Variants in PTN observed in about 807,000 individuals in gnomAD.
The protein encoded by PTN is pleiotrophin.
Under a neutral mutation model 24.1 loss-of-function variants are expected in PTN, and 18 were observed. That is an observed-to-expected ratio of 0.75 (90% CI 0.52 to 1.11). The LOEUF (loss-of-function observed/expected upper bound fraction) is 1.11, where lower values mean the gene tolerates loss of function less well. Ranked by LOEUF, PTN falls within the 50% of genes least tolerant of loss-of-function variation. PTN has a pLI of 0.00. For synonymous variants in PTN, 78 were observed against 68.6 expected (o/e 1.14, Z -0.67); for missense variants, 163 against 198.8 (o/e 0.82, Z 1.08).
intron 1 of PTN, among the ~76,000 whole-genome samples, chr7:137,283,449 C>T (rs189862396): frequency 1.3e-5 from 2 of 152,050 alleles, no homozygotes; most frequent in African/African-American, 2.4e-5. Flanking sequence ...AAGGAAAAAA[C>T]GAGAAAAGAA....
At chr7:137,341,513 G>T (rs1810533808) in intron 1 of PTN, among the ~76,000 whole-genome samples, 1 of 149,132 alleles carries the variant, frequency 6.7e-6, no homozygotes, top group South Asian at 2.1e-4. Flanking sequence ...ATATAGTTAG[G>T]TATACCTTAT....
At chr7:137,323,357 T>C (rs767797997) in intron 1 of PTN, among the ~76,000 whole-genome samples, 3 of 152,214 alleles carry the variant, frequency 2.0e-5, no homozygotes, top group Non-Finnish European at 4.4e-5. Flanking sequence ...GCAGTTTAAG[T>C]ATTTTATATA....
intron 4 of PTN, among the ~76,000 whole-genome samples, chr7:137,249,538 G>A (rs574475954): frequency 6.6e-6 from 1 of 152,246 alleles, no homozygotes; most frequent in Admixed American, 6.5e-5. Context: ...GAATGTGGAA[G>A]CTTCTTTAAT....
intron 1 of PTN, among the ~76,000 whole-genome samples, chr7:137,274,021 A>G (rs1809318702): frequency 7.7e-6 from 1 of 130,680 alleles, no homozygotes; most frequent in African/African-American, 2.8e-5. Flanking sequence ...AACACCTCAA[A>G]ATTTCAGAAG....
chr7:137,228,331 T>C lies in PTN; in HGVS notation c.452-256A>G, dbSNP rs148455060. On this transcript the variant is annotated intron_variant, in intron 4 of 4. Coordinates refer to ENST00000348225, the MANE Select transcript of PTN (RefSeq NM_002825.7). The stretch of plus-strand genomic sequence containing the variant: ...GGGCAGGAGGAACATAGCCTGCTTC[T>C]GTGTTAATTCTACAAATGCCTGTTA... Among the ~76,000 whole-genome samples, 6 of 151,918 alleles carry C rather than the reference T, an allele frequency of 3.9e-5. No individual in the cohort carries two copies. The East Asian group carries it at 9.7e-4, about 25-fold the overall frequency.
intron 1 of PTN, among the ~76,000 whole-genome samples, chr7:137,331,421 T>C (rs1810356344): frequency 1.3e-5 from 2 of 152,162 alleles, no homozygotes; most frequent in Admixed American, 6.5e-5. Context: ...CAGGCCAAAG[T>C]TGGTGGGAAT....
At chr7:137,335,231 T>G (rs911931871) in intron 1 of PTN, among the ~76,000 whole-genome samples, 1 of 151,892 alleles carries the variant, frequency 6.6e-6, no homozygotes, top group Non-Finnish European at 1.5e-5. Context: ...TCTAAACACT[T>G]TTCATTAGCT....
chr7:137,327,848 C>T (rs1810288107), intron 1 of PTN, among the ~76,000 whole-genome samples: 1 of 152,170 alleles, frequency 6.6e-6, no homozygotes, highest in Non-Finnish European at 1.5e-5. Flanking sequence ...CTTGTTGGAA[C>T]ATGCCCAGTG....
intron 1 of PTN, among the ~76,000 whole-genome samples, chr7:137,278,413 A>C (rs950268775): frequency 6.6e-6 from 1 of 151,620 alleles, no homozygotes; most frequent in Non-Finnish European, 1.5e-5. Flanking sequence ...TCTAGAAGAG[A>C]TCTATTTTAA....
Position 137,281,220 on chromosome 7 carries a change from C to T in PTN, c.-1-26246G>A, listed in dbSNP as rs189994428. ...GAAAAGACTGTCCAATGTCAAGGGACCAAGTGCCAACTATAAGGGGGCTGG... is the reference window on the plus strand; with the variant it reads ...GAAAAGACTGTCCAATGTCAAGGGATCAAGTGCCAACTATAAGGGGGCTGG... On this transcript the variant is annotated intron_variant, in intron 1 of 4. Transcript: ENST00000348225. 1.6e-3 allele frequency among the ~76,000 whole-genome samples: 236 copies of T among 151,638 alleles called. 1 individual carries two copies. Among genetic ancestry groups the T allele is most frequent in the African/African-American group, 5.5e-3 (227 of 41,336 alleles).
intron 4 of PTN, 86 bp downstream of exon 4, chr7:137,251,144 T>C (rs1808819014): frequency 6.9e-7 from 1 of 1,453,232 alleles, no homozygotes; most frequent in South Asian, 1.2e-5. Flanking sequence ...ATTCACCTAA[T>C]ATTTCCTTCT....
chr7:137,292,804 C>CA (rs1563214586), intron 1 of PTN, among the ~76,000 whole-genome samples: 1 of 152,146 alleles, frequency 6.6e-6, no homozygotes, highest in African/African-American at 2.4e-5. Context: ...TGAATCCACA[C>CA]ATGTGGGACG....
At chr7:137,322,187 C>T (rs1369658427) in intron 1 of PTN, among the ~76,000 whole-genome samples, 1 of 151,786 alleles carries the variant, frequency 6.6e-6, no homozygotes, top group East Asian at 1.9e-4. Flanking sequence ...AGAATGAAAG[C>T]TCAATGAAAG....
chr7:137,286,973 T>C (rs1053497046), intron 1 of PTN, among the ~76,000 whole-genome samples: 1 of 152,220 alleles, frequency 6.6e-6, no homozygotes, highest in African/African-American at 2.4e-5. Context: ...ATAGATTGCA[T>C]AACTTACTCC....
intron 1 of PTN, among the ~76,000 whole-genome samples, chr7:137,260,180 A>G (rs1479779340): frequency 6.6e-6 from 1 of 152,156 alleles, no homozygotes; most frequent in Non-Finnish European, 1.5e-5. Context: ...GCCTCATATG[A>G]GAGTAAATGA....
intron 1 of PTN, among the ~76,000 whole-genome samples, chr7:137,309,606 A>G (rs1205890653): frequency 6.6e-6 from 1 of 152,134 alleles, no homozygotes; most frequent in African/African-American, 2.4e-5. Flanking sequence ...GTTTATTAAT[A>G]TTCTAAATAC....
chr7:137,283,763 A>G (rs1809508715), intron 1 of PTN, among the ~76,000 whole-genome samples: 1 of 152,114 alleles, frequency 6.6e-6, no homozygotes, highest in African/African-American at 2.4e-5. Flanking sequence ...AAATGCTAAA[A>G]TCAGGGACGG....
intron 1 of PTN, among the ~76,000 whole-genome samples, chr7:137,289,423 G>A (rs1230999107): frequency 1.3e-5 from 2 of 152,250 alleles, no homozygotes; most frequent in South Asian, 2.1e-4. Flanking sequence ...TTCTCTTATC[G>A]ATCGAGCAAC....
intron 1 of PTN, chr7:137,326,759 T>C (rs1810268602): frequency 6.6e-6 from 1 of 152,206 alleles, no homozygotes; most frequent in African/African-American, 2.4e-5. Context: ...AATGGGCTTT[T>C]ACAAGTGCAT....
Sources: gnomAD v4.1 joint callset for allele counts (sites outside exome capture counted in the v4.1 genomes callset) on GRCh38, gnomAD v4.1.1 for gene constraint, MANE v1.5 for transcripts, NCBI Gene and HGNC (gene_info 2026-07-23, HGNC 2026-07-21) for gene names.